Variants in DACH1 observed in about 807,000 individuals in gnomAD.
DACH1 encodes dachshund family transcription factor 1, also known as dachshund homolog 1.
DACH1 carries 12 observed loss-of-function variants against 54.2 expected under a neutral mutation model. That is an observed-to-expected ratio of 0.22 (90% CI 0.14 to 0.36). DACH1 has a LOEUF of 0.36. DACH1 is among the 10% of genes least tolerant of loss of function. The pLI is 1.00. For synonymous variants in DACH1, 386 were observed against 366.2 expected (o/e 1.05, Z -0.62); for missense variants, 805 against 929.8 (o/e 0.87, Z 1.75).
Position 71,866,398 on chromosome 13 carries a change from A to C in DACH1, c.372T>G (p.Ala124=). The C allele has an allele frequency of 1.4e-6, 2 of 1,419,238 alleles. No individual in the cohort carries two copies. Among genetic ancestry groups the C allele is most frequent in the South Asian group, 1.3e-5 (1 of 76,680 alleles). 87.9% of individuals were successfully genotyped at this position (1,419,238 alleles called of 1,614,324 possible). ...GSGGGGGGIS[A]GGGVASSTPI... ...GGGTGCTGGAAGCGACGCCGCCGCC[A>C]GCGCTGATGCCGCCGCCGCCGCCGC... The change falls in exon 1 of 11, where the codon GCT becomes GCG. Residue 124 remains alanine (A), a synonymous_variant. Transcript: ENST00000613252.
chr13:71,646,126 A>C (rs923177803), intron 2 of DACH1, among the ~76,000 whole-genome samples: 3 of 152,158 alleles, frequency 2.0e-5, no homozygotes, highest in African/African-American at 7.2e-5. Context: ...TCACAAGGTC[A>C]GGAGTTCAAG....
intron 6 of DACH1, among the ~76,000 whole-genome samples, chr13:71,526,943 A>T (rs1882011112): frequency 6.6e-6 from 1 of 151,702 alleles, no homozygotes; most frequent in Non-Finnish European, 1.5e-5. Flanking sequence ...TGGAAAGCTT[A>T]AACTTTGTAT....
At chr13:71,576,138 A>G (rs568934900) in intron 3 of DACH1, among the ~76,000 whole-genome samples, 1 of 152,306 alleles carries the variant, frequency 6.6e-6, no homozygotes, top group African/African-American at 2.4e-5. Flanking sequence ...AGACTGCAAG[A>G]AACAGCAGCA....
At chr13:71,477,507 C>T (rs1038270903) in intron 8 of DACH1, among the ~76,000 whole-genome samples, 2 of 151,956 alleles carry the variant, frequency 1.3e-5, no homozygotes, top group Non-Finnish European at 2.9e-5. Context: ...CTGTTTGTAT[C>T]AAAATGTACA....
intron 1 of DACH1, among the ~76,000 whole-genome samples, chr13:71,822,905 C>T (rs927887899): frequency 1.3e-5 from 2 of 151,898 alleles, no homozygotes; most frequent in African/African-American, 2.4e-5. Flanking sequence ...CTGAAAATAA[C>T]GTATTATTAG....
chr13:71,729,941 C>T (rs1883660722), intron 1 of DACH1, among the ~76,000 whole-genome samples: 1 of 151,960 alleles, frequency 6.6e-6, no homozygotes, highest in African/African-American at 2.4e-5. Context: ...ATGGAATGAA[C>T]ATTTATTGCG....
intron 1 of DACH1, among the ~76,000 whole-genome samples, chr13:71,689,508 C>T (rs1022931825): frequency 2.0e-5 from 3 of 152,014 alleles, no homozygotes; most frequent in South Asian, 4.1e-4. Flanking sequence ...CTAAAAGCAT[C>T]GTTAACAAAA....
At chr13:71,555,367 G>C (rs1884174205) in intron 6 of DACH1, among the ~76,000 whole-genome samples, 1 of 149,012 alleles carries the variant, frequency 6.7e-6, no homozygotes, top group Non-Finnish European at 1.5e-5. Context: ...TTTTTGACAT[G>C]GACTCTCACT....
intron 1 of DACH1, among the ~76,000 whole-genome samples, chr13:71,797,895 G>A (rs970382615): frequency 6.6e-6 from 1 of 152,044 alleles, no homozygotes; most frequent in Non-Finnish European, 1.5e-5. Flanking sequence ...TCTATATAAG[G>A]ATCTGTTGCC....
intron 6 of DACH1, among the ~76,000 whole-genome samples, chr13:71,518,730 C>A (rs766507053): frequency 1.5e-4 from 23 of 151,478 alleles, no homozygotes; most frequent in Non-Finnish European, 2.4e-4. Context: ...ACAGGGGTGA[C>A]TGAAATAAAC....
At chr13:71,772,368 T>G (rs900584067) in intron 1 of DACH1, among the ~76,000 whole-genome samples, 1 of 151,728 alleles carries the variant, frequency 6.6e-6, no homozygotes, top group Admixed American at 6.6e-5. Context: ...ATCAATGTGC[T>G]TCCTTAAAAG....
At chr13:71,479,031 G>T in intron 8 of DACH1, 138 bp downstream of exon 8, 2 of 721,604 alleles carry the variant, frequency 2.8e-6, no homozygotes, top group Non-Finnish European at 4.2e-6. Flanking sequence ...AATGAGCCTA[G>T]GATTCAAATT....
chr13:71,634,347 G>A (rs376172033), intron 2 of DACH1, among the ~76,000 whole-genome samples: 3 of 151,966 alleles, frequency 2.0e-5, no homozygotes, highest in South Asian at 2.1e-4. Context: ...GGCTGTCAGC[G>A]CCCTTTGTTC....
intron 2 of DACH1, among the ~76,000 whole-genome samples, chr13:71,634,254 T>G (rs568873753): frequency 1.3e-5 from 2 of 152,154 alleles, no homozygotes; most frequent in Admixed American, 6.6e-5. Context: ...ATTACAGGCA[T>G]GAGCCACGGC....
At chr13:71,521,896 T>C (rs1425415939) in intron 6 of DACH1, among the ~76,000 whole-genome samples, 2 of 152,162 alleles carry the variant, frequency 1.3e-5, no homozygotes, top group Admixed American at 1.3e-4. Flanking sequence ...TTTAACAATA[T>C]ATGCTAAAAC....
rs984558409 is a variant in DACH1, at chr13:71,768,848, A to G, written c.849-86938T>C. 5.9e-5 allele frequency among the ~76,000 whole-genome samples: 9 copies of G among 151,936 alleles called. No homozygotes were observed. The East Asian group carries it at 1.7e-3, about 29-fold the overall frequency. ...TTTGCAGAATTAAAAACAATCCACCACTGAGTTATTTGACATCACGCATTT... is the reference window on the plus strand; with the variant it reads ...TTTGCAGAATTAAAAACAATCCACCGCTGAGTTATTTGACATCACGCATTT... On this transcript the variant is annotated intron_variant, in intron 1 of 10. Transcript: ENST00000613252.
chr13:71,720,049 T>C (rs2138800374), intron 1 of DACH1, among the ~76,000 whole-genome samples: 1 of 152,286 alleles, frequency 6.6e-6, no homozygotes, highest in East Asian at 1.9e-4. Flanking sequence ...ACTAAAATGC[T>C]GTCTTTAAAT....
chr13:71,453,461 T>G (rs1875261946), intron 10 of DACH1, among the ~76,000 whole-genome samples: 1 of 152,148 alleles, frequency 6.6e-6, no homozygotes, highest in South Asian at 2.1e-4. Context: ...GACAAAATCC[T>G]GTGAATAAAT....
intron 2 of DACH1, chr13:71,675,277 G>C: frequency 6.3e-7 from 1 of 1,599,058 alleles, no homozygotes; most frequent in South Asian, 1.1e-5. Context: ...CCAGAGTCTG[G>C]TGCGAGAAAT....
Sources: gnomAD v4.1 joint callset for allele counts (sites outside exome capture counted in the v4.1 genomes callset) on GRCh38, gnomAD v4.1.1 for gene constraint, MANE v1.5 for transcripts, NCBI Gene and HGNC (gene_info 2026-07-23, HGNC 2026-07-21) for gene names.